Variants in LTC4S observed in about 807,000 individuals in gnomAD.
LTC4S encodes the protein leukotriene C4 synthase.
A neutral mutation model predicts 19.6 loss-of-function variants in LTC4S; 18 were observed. That is an observed-to-expected ratio of 0.92 (90% CI 0.64 to 1.36). The LOEUF is 1.36. LTC4S is among the 40% of genes most tolerant of loss of function. The pLI is 0.00. For synonymous variants in LTC4S, 126 were observed against 110.1 expected (o/e 1.14, Z -0.91); for missense variants, 235 against 212.2 (o/e 1.11, Z -0.67).
Position 179,796,345 on chromosome 5 carries a change from T to C in LTC4S, c.404T>C (p.Leu135Pro), listed in dbSNP as rs1433494744. The C allele has an allele frequency of 6.7e-7, 1 of 1,489,978 alleles. No homozygotes were observed. The allele number at this position is 1,489,978 out of a possible 1,614,324, so 92.3% of individuals were successfully genotyped here. A position where few individuals can be genotyped will look rare whatever the true frequency, so the allele number is the denominator to read the frequency against. The part of the protein sequence containing the change: ...GLLAHFLPAA[L>P]RAALLGRLRT... The stretch of plus-strand genomic sequence containing the variant: ...CTCGCCCACTTCCTCCCGGCCGCGC[T>C]GCGCGCCGCGCTCCTCGGACGGCTC... The change falls in exon 5 of 5, where the codon CTG (leucine) becomes CCG (proline). Residue 135 changes from leucine to proline, a missense_variant. Transcript: ENST00000292596.
In LTC4S at chr5:179,795,863, G is replaced by A. The variant is rs200212829; in HGVS notation, c.229+7G>A. On this transcript the variant is annotated splice_region_variant and intron_variant, in intron 3 of 4. Transcript: ENST00000292596. ...GGCATCTTCTTTCATGAAGGTCGGG[G>A]TGTGGGGCAGGGGCGCACGCGCTGG... 848 of 1,605,168 alleles carry A rather than the reference G, an allele frequency of 5.3e-4. No homozygotes were observed. The highest frequency in any genetic ancestry group is 6.8e-4 in the Non-Finnish European group (806 of 1,177,938).
chr5:179,794,745 G>C (rs1450497807), intron 1 of LTC4S, among the ~76,000 whole-genome samples: 1 of 152,224 alleles, frequency 6.6e-6, no homozygotes, highest in East Asian at 1.9e-4. Context: ...CAGAACCAAA[G>C]GTGCCAGGGC....
Position 179,795,830 on chromosome 5 carries a change from G to T in LTC4S, c.203G>T (p.Trp68Leu). ...EYFPLFLATL[W>L]VAGIFFHEGA... The stretch of plus-strand genomic sequence containing the variant: ...TTCCCGCTGTTCCTCGCCACGCTCT[G>T]GGTCGCCGGCATCTTCTTTCATGAA... The change falls in exon 3 of 5, where the codon TGG becomes TTG. Residue 68 changes from tryptophan to leucine, a missense_variant. Coordinates refer to ENST00000292596, the MANE Select transcript of LTC4S (RefSeq NM_145867.2). 1 of 1,606,970 alleles carries T rather than the reference G, an allele frequency of 6.2e-7. No individual in the cohort carries two copies.
rs369543970 is a variant in LTC4S at position 179,794,059 on chromosome 5, G to A, written c.-22G>A. The A allele has an allele frequency of 4.7e-5, 76 of 1,613,506 alleles. No individual in the cohort carries two copies. The African/African-American group carries it at 6.4e-4, about 14-fold the overall frequency. On this transcript the variant is annotated 5_prime_UTR_variant, in exon 1 of 5. It adds an upstream start codon to the 5' untranslated region. Transcript: ENST00000292596. ...CCCAGCTCGCCTTCACACACAGCCC[G>A]TGCCACCACACCGACGGTACCATGA...
chr5:179,796,351 C>A lies in LTC4S; in HGVS notation c.410C>A (p.Ala137Asp). 1 of 1,491,050 alleles carries A rather than the reference C, an allele frequency of 6.7e-7. No homozygotes were observed. Among genetic ancestry groups the A allele is most frequent in the Non-Finnish European group, 8.9e-7 (1 of 1,128,204 alleles). The allele number at this position is 1,491,050 out of a possible 1,614,324, so 92.4% of individuals were successfully genotyped here. Residue 137 changes from alanine (A) to aspartate (D), a missense_variant, in exon 5 of 5, where the codon GCC becomes GAC. Physicochemically the swap from Ala to Asp is moderately radical, Grantham distance 126. Coordinates refer to ENST00000292596, the MANE Select transcript of LTC4S (RefSeq NM_145867.2). Reference sequence around the variant, plus strand: ...CACTTCCTCCCGGCCGCGCTGCGCGCCGCGCTCCTCGGACGGCTCCGGACG... The same window carrying A: ...CACTTCCTCCCGGCCGCGCTGCGCGACGCGCTCCTCGGACGGCTCCGGACG... ...LAHFLPAALR[A>D]ALLGRLRTLL...
chr5:179,795,982 C>T lies in LTC4S; in HGVS notation c.271C>T (p.Leu91Phe), dbSNP rs1382703831. ...CGGCCTGGTCTACCTGTTCGCGCGC[C>T]TCCGCTACTTCCAGGGCTACGCGCG... ...LCGLVYLFARLRYFQGYARSA... is the reference protein window; with the variant it reads ...LCGLVYLFARFRYFQGYARSA... The change falls in exon 4 of 5, where the codon CTC becomes TTC. Residue 91 changes from leucine (L) to phenylalanine (F), a missense_variant. Coordinates refer to ENST00000292596, the MANE Select transcript of LTC4S (RefSeq NM_145867.2). 3 of 1,541,732 alleles carry T rather than the reference C, an allele frequency of 1.9e-6. No individual in the cohort carries two copies. Among genetic ancestry groups the T allele is most frequent in the South Asian group, 2.3e-5 (2 of 85,218 alleles).
chr5:179,795,627 C>T lies in LTC4S; in HGVS notation c.102C>T (p.Arg34=). Residue 34 remains arginine, a synonymous_variant, in exon 2 of 5, where the codon CGC becomes CGT. Coordinates refer to ENST00000292596, the MANE Select transcript of LTC4S (RefSeq NM_145867.2). The stretch of plus-strand genomic sequence containing the variant: ...TGATCTCGGCGCGCAGGGCCTTCCG[C>T]GTGTCGCCGCCGCTCACCACCGGCC... ...LQVISARRAF[R]VSPPLTTGPP... is the part of the protein sequence containing the mutation. 6.2e-7 allele frequency: 1 copy of T among 1,610,074 alleles called. No homozygotes were observed. The highest frequency in any genetic ancestry group is 8.5e-7 in the Non-Finnish European group (1 of 1,179,184).
intron 1 of LTC4S, among the ~76,000 whole-genome samples, chr5:179,794,704 G>T (rs1756553444): frequency 1.3e-5 from 2 of 152,214 alleles, no homozygotes; most frequent in Non-Finnish European, 2.9e-5. Context: ...GAGCTGGATG[G>T]CCACCCTGTG....
At chr5:179,795,356 C>G (rs1468224425) in intron 1 of LTC4S, 2 of 1,414,696 alleles carry the variant, frequency 1.4e-6, no homozygotes, top group South Asian at 1.5e-5. Context: ...GACAGGGCCT[C>G]TCTGCGCCCC....
In LTC4S at chr5:179,796,567, TGGAGGGGCCCAGCCC is replaced by T; in HGVS notation, c.*175_*189del. Reference sequence around the variant, plus strand: ...GTGGCGCACCGCGGGCTACGGAGCCTGGAGGGGCCCAGCCCGAGTCCGGGCAGCCCGGGGCGGGCT... The same window carrying T: ...GTGGCGCACCGCGGGCTACGGAGCCTGAGTCCGGGCAGCCCGGGGCGGGCT... On this transcript the variant is annotated 3_prime_UTR_variant, in exon 5 of 5. Coordinates refer to ENST00000292596, the MANE Select transcript of LTC4S (RefSeq NM_145867.2). The T allele has an allele frequency of 9.4e-7, 1 of 1,063,354 alleles. No homozygotes were observed. 65.9% of individuals were successfully genotyped at this position (1,063,354 alleles called of 1,614,324 possible). A position where few individuals can be genotyped will look rare whatever the true frequency, so the allele number is the denominator to read the frequency against.
chr5:179,794,188 T>A, intron 1 of LTC4S, 50 bp downstream of exon 1: 5 of 1,609,444 alleles, frequency 3.1e-6, no homozygotes, highest in Non-Finnish European at 4.2e-6. Context: ...TCCCTACAGC[T>A]TGCCCTCTGC....
intron 4 of LTC4S, 25 bp downstream of exon 4, chr5:179,796,047 C>T (rs1438906676): frequency 5.7e-6 from 6 of 1,050,358 alleles, no homozygotes; most frequent in Non-Finnish European, 7.6e-6. Flanking sequence ...GGGAGCGGGG[C>T]GGGGCCGGGG....
At position 179,794,803 on chromosome 5, in the gene LTC4S, C is replaced by T. The variant is rs190736573; in HGVS notation, c.58+665C>T. ...TCCGACGGGAGGTCTGGGGAGGGAGCGCACAGCCAGCACTGGTCTGTGTGT... is the reference window on the plus strand; with the variant it reads ...TCCGACGGGAGGTCTGGGGAGGGAGTGCACAGCCAGCACTGGTCTGTGTGT... On this transcript the variant is annotated intron_variant, in intron 1 of 4. Transcript: ENST00000292596. 4.0e-3 allele frequency among the ~76,000 whole-genome samples: 607 copies of T among 152,286 alleles called. 2 individuals carry two copies. The highest frequency in any genetic ancestry group is 7.1e-3 in the Non-Finnish European group (480 of 68,014).
Position 179,796,341 on chromosome 5 carries a change from G to A in LTC4S, c.400G>A (p.Ala134Thr). The A allele has an allele frequency of 6.7e-7, 1 of 1,489,362 alleles. No homozygotes were observed. Among genetic ancestry groups the A allele is most frequent in the East Asian group, 2.8e-5 (1 of 35,506 alleles). 92.3% of individuals were successfully genotyped at this position (1,489,362 alleles called of 1,614,324 possible). ...CCTGCTCGCCCACTTCCTCCCGGCC[G>A]CGCTGCGCGCCGCGCTCCTCGGACG... The part of the protein sequence containing the change: ...LGLLAHFLPA[A>T]LRAALLGRLR... The change falls in exon 5 of 5, where the codon GCG (alanine) becomes ACG (threonine). Residue 134 changes from alanine to threonine, a missense_variant. By Grantham distance (58) the Ala-to-Thr change is moderately conservative. Coordinates refer to ENST00000292596, the MANE Select transcript of LTC4S (RefSeq NM_145867.2).
chr5:179,796,408 G>C lies in LTC4S; in HGVS notation c.*14G>C. 2 of 1,479,846 alleles carry C rather than the reference G, an allele frequency of 1.4e-6. No homozygotes were observed. The highest frequency in any genetic ancestry group is 1.8e-6 in the Non-Finnish European group (2 of 1,121,298). 91.7% of individuals were successfully genotyped at this position (1,479,846 alleles called of 1,614,324 possible). ...CCGTGGGCCTGAGACCAAGGCCCCC[G>C]GGCCGACGGAGCCGGGAAAGAAGAG... On this transcript the variant is annotated 3_prime_UTR_variant, in exon 5 of 5. Transcript: ENST00000292596.
Position 179,796,377 on chromosome 5 carries a change from C to T in LTC4S, c.436C>T (p.Leu146=). The T allele has an allele frequency of 1.3e-6, 2 of 1,498,900 alleles. No homozygotes were observed. Among genetic ancestry groups the T allele is most frequent in the South Asian group, 1.2e-5 (1 of 80,420 alleles). The allele number at this position is 1,498,900 out of a possible 1,614,324, so 92.9% of individuals were successfully genotyped here. Residue 146 remains leucine, a synonymous_variant, in exon 5 of 5, where the codon CTG becomes TTG. Coordinates refer to ENST00000292596, the MANE Select transcript of LTC4S (RefSeq NM_145867.2). ...CGCGCTCCTCGGACGGCTCCGGACG[C>T]TGCTGCCGTGGGCCTGAGACCAAGG... ...RAALLGRLRT[L]LPWA is the part of the protein sequence containing the mutation.
rs1220996251 is a variant in LTC4S at position 179,795,665 on chromosome 5, A to T, written c.140A>T (p.Glu47Val). 1 of 1,606,948 alleles carries T rather than the reference A, an allele frequency of 6.2e-7. No homozygotes were observed. Among genetic ancestry groups the T allele is most frequent in the South Asian group, 1.1e-5 (1 of 90,294 alleles). The change falls in exon 2 of 5, where the codon GAG becomes GTG. Residue 47 changes from glutamate to valine, a missense_variant. Physicochemically the swap from Glu to Val is moderately radical, Grantham distance 121 (BLOSUM62 -2). Coordinates refer to ENST00000292596, the MANE Select transcript of LTC4S (RefSeq NM_145867.2). ...CTCACCACCGGCCCACCCGAGTTCG[A>T]GCGCGTCTACCGAGCCCAGTGAGGC... ...PPLTTGPPEF[E>V]RVYRAQVNCS... is the part of the protein sequence containing the mutation.
Position 179,794,132 on chromosome 5 carries a change from C to A in LTC4S, c.52C>A (p.Leu18Met). Reference protein sequence around the residue: ...LAAVTLLGVLLQAYFSLQVIS... With the variant: ...LAAVTLLGVLMQAYFSLQVIS... The stretch of plus-strand genomic sequence containing the variant: ...TGCTGTCACCCTCCTGGGAGTCCTG[C>A]TGCAAGGTGGGCTGGTTCCTATCTA... Residue 18 changes from leucine (L) to methionine (M), a missense_variant, in exon 1 of 5, where the codon CTG becomes ATG. By Grantham distance (15) the Leu-to-Met change is conservative. Transcript: ENST00000292596. The A allele has an allele frequency of 6.2e-7, 1 of 1,613,464 alleles. No individual in the cohort carries two copies.
intron 1 of LTC4S, 86 bp downstream of exon 1, chr5:179,794,224 G>A: frequency 6.5e-7 from 1 of 1,544,750 alleles, no homozygotes. Context: ...GGAGGGCAGA[G>A]GTGGGGACTC....
Sources: gnomAD v4.1 joint callset for allele counts (sites outside exome capture counted in the v4.1 genomes callset) on GRCh38, gnomAD v4.1.1 for gene constraint, MANE v1.5 for transcripts, NCBI Gene and HGNC (gene_info 2026-07-23, HGNC 2026-07-21) for gene names.